Variants in CNTNAP2 observed in about 807,000 individuals in gnomAD.
CNTNAP2 encodes the protein contactin-associated protein-like 2.
A neutral mutation model predicts 155.2 loss-of-function variants in CNTNAP2; 98 were observed. That is an observed-to-expected ratio of 0.63 (90% confidence interval 0.54 to 0.75). The LOEUF (loss-of-function observed/expected upper bound fraction) is 0.75. CNTNAP2 is among the 30% of genes least tolerant of loss of function. The pLI is 0.00. For synonymous variants in CNTNAP2, 651 were observed against 631.2 expected, an observed-to-expected ratio of 1.03 and a Z score of -0.47; for missense variants, 1,727 against 1,688.1, an observed-to-expected ratio of 1.02 and a Z score of -0.40.
intron 12 of CNTNAP2, among the ~76,000 whole-genome samples, chr7:147,568,859 G>A (rs1800227496): frequency 6.6e-6 from 1 of 152,068 alleles, no homozygotes; most frequent in African/African-American, 2.4e-5. Context: ...GCTCGATCCA[G>A]CCATTATTCT....
chr7:147,439,069 C>A (rs1219783617), intron 10 of CNTNAP2, among the ~76,000 whole-genome samples: 2 of 151,600 alleles, frequency 1.3e-5, no homozygotes, highest in African/African-American at 4.8e-5. Flanking sequence ...GTATTGTTTT[C>A]TTCATTTCAA....
At chr7:148,216,632 G>T (rs1327421838) in intron 18 of CNTNAP2, among the ~76,000 whole-genome samples, 1 of 152,138 alleles carries the variant, frequency 6.6e-6, no homozygotes, top group East Asian at 1.9e-4. Flanking sequence ...TTTTTTCAGG[G>T]TATGTGAATT....
intron 11 of CNTNAP2, among the ~76,000 whole-genome samples, chr7:147,488,986 T>C (rs1798558822): frequency 6.6e-6 from 1 of 152,236 alleles, no homozygotes; most frequent in African/African-American, 2.4e-5. Flanking sequence ...TTCAGAGCAA[T>C]TGTCCTTTTC....
At chr7:147,666,333 A>C (rs935629406) in intron 13 of CNTNAP2, among the ~76,000 whole-genome samples, 1 of 152,166 alleles carries the variant, frequency 6.6e-6, no homozygotes, top group Admixed American at 6.5e-5. Context: ...AATGGAACTG[A>C]AAAATTCTTA....
chr7:146,986,161 C>T (rs186504533), intron 3 of CNTNAP2, among the ~76,000 whole-genome samples: 1 of 152,240 alleles, frequency 6.6e-6, no homozygotes, highest in Admixed American at 6.5e-5. Context: ...CTCTCCCACC[C>T]TTTCTCCATG....
chr7:147,373,487 A>G (rs1237288395), intron 9 of CNTNAP2, among the ~76,000 whole-genome samples: 1 of 152,112 alleles, frequency 6.6e-6, no homozygotes, highest in Non-Finnish European at 1.5e-5. Context: ...AATGTAGAAT[A>G]ATTTTTTACT....
intron 1 of CNTNAP2, among the ~76,000 whole-genome samples, chr7:146,271,844 T>G (rs547574412): frequency 6.6e-6 from 1 of 152,278 alleles, no homozygotes; most frequent in East Asian, 1.9e-4. Context: ...TTGCTACAAC[T>G]TGGTTAAAAC....
chr7:146,318,264 T>G (rs1433441090), intron 1 of CNTNAP2, among the ~76,000 whole-genome samples: 1 of 152,218 alleles, frequency 6.6e-6, no homozygotes, highest in Non-Finnish European at 1.5e-5. Flanking sequence ...AGTTCTGTTT[T>G]GATTGTTTTT....
chr7:147,943,006 C>T (rs1280060722), intron 14 of CNTNAP2, among the ~76,000 whole-genome samples: 2 of 151,772 alleles, frequency 1.3e-5, no homozygotes, highest in African/African-American at 2.4e-5. Flanking sequence ...CACTGCACAC[C>T]AGCCTGGGCG....
intron 13 of CNTNAP2, among the ~76,000 whole-genome samples, chr7:147,851,482 T>C (rs75863498): frequency 6.6e-6 from 1 of 152,096 alleles, no homozygotes; most frequent in Non-Finnish European, 1.5e-5. Context: ...CGTATGTTTA[T>C]TGCAGCACTA....
At chr7:146,656,936 T>C (rs1273860200) in intron 1 of CNTNAP2, among the ~76,000 whole-genome samples, 1 of 152,212 alleles carries the variant, frequency 6.6e-6, no homozygotes, top group African/African-American at 2.4e-5. Flanking sequence ...CAATTTTTTG[T>C]ACATTGAGAT....
At chr7:147,915,826 G>A (rs1025186684) in intron 14 of CNTNAP2, among the ~76,000 whole-genome samples, 2 of 152,110 alleles carry the variant, frequency 1.3e-5, no homozygotes, top group African/African-American at 4.8e-5. Context: ...ATGTGTTTCA[G>A]TATTAGAGCA....
intron 13 of CNTNAP2, among the ~76,000 whole-genome samples, chr7:147,646,160 G>T (rs889034738): frequency 6.6e-6 from 1 of 152,126 alleles, no homozygotes; most frequent in Admixed American, 6.5e-5. Context: ...TTGTTTTTAA[G>T]TTTAGATGCT....
intron 1 of CNTNAP2, among the ~76,000 whole-genome samples, chr7:146,685,034 G>A (rs1033281574): frequency 6.6e-6 from 1 of 152,058 alleles, no homozygotes. Context: ...TTAATACAGA[G>A]TATTTTAGTC....
At chr7:146,647,407 AC>A (rs1262320299) in intron 1 of CNTNAP2, among the ~76,000 whole-genome samples, 2 of 152,108 alleles carry the variant, frequency 1.3e-5, no homozygotes, top group African/African-American at 4.8e-5. Context: ...CTTTATAAGA[AC>A]CTTGTCTGAG....
At chr7:146,971,343 C>A (rs145455943) in intron 3 of CNTNAP2, among the ~76,000 whole-genome samples, 3 of 152,084 alleles carry the variant, frequency 2.0e-5, no homozygotes, top group South Asian at 4.2e-4. Context: ...CTATTGTGTA[C>A]TAAAAATTGG....
At chr7:147,601,644 A>AAAAAATATAT (rs1299075338) in intron 12 of CNTNAP2, among the ~76,000 whole-genome samples, 23 of 87,454 alleles carry the variant, frequency 2.6e-4, no homozygotes, top group African/African-American at 9.8e-4. Flanking sequence ...CTTAAAAAAA[A>AAAAAATATAT]ATATATATAT....
intron 12 of CNTNAP2, among the ~76,000 whole-genome samples, chr7:147,601,644 A>AAAAATAT (rs1299075338): frequency 5.4e-4 from 47 of 87,446 alleles, no homozygotes; most frequent in East Asian, 2.4e-3. Flanking sequence ...CTTAAAAAAA[A>AAAAATAT]ATATATATAT....
At chr7:147,926,326 A>G (rs1440202920) in intron 14 of CNTNAP2, among the ~76,000 whole-genome samples, 1 of 152,178 alleles carries the variant, frequency 6.6e-6, no homozygotes, top group African/African-American at 2.4e-5. Flanking sequence ...CAGATTTCAG[A>G]GATTAGGACT....
Sources: gnomAD v4.1 joint callset for allele counts (sites outside exome capture counted in the v4.1 genomes callset) on GRCh38, gnomAD v4.1.1 for gene constraint, MANE v1.5 for transcripts, NCBI Gene and HGNC (gene_info 2026-07-23, HGNC 2026-07-21) for gene names.